RBFOX1: variants seen among roughly 807,000 people sequenced by gnomAD.
RBFOX1 encodes the protein RNA binding fox-1 homolog 1.
In RBFOX1, 8 loss-of-function variants were observed where a neutral mutation model predicts 57.7. The observed-to-expected ratio is 0.14, with a 90% CI of 0.08 to 0.25. RBFOX1 has a LOEUF of 0.25. Among genes scored for constraint, RBFOX1 ranks in the 10% least tolerant of loss-of-function variants. The pLI is 1.00. For synonymous variants in RBFOX1, 326 were observed against 222.4 expected (o/e 1.47, Z -4.15); for missense variants, 611 against 548.5 (o/e 1.11, Z -1.14).
chr16:7,599,981 G>T (rs2094926138), intron 9 of RBFOX1, among the ~76,000 whole-genome samples: 1 of 152,042 alleles, frequency 6.6e-6, no homozygotes, highest in Non-Finnish European at 1.5e-5. Flanking sequence ...TTGTGACCAT[G>T]CCTGTGTGTA....
chr16:5,540,957 G>T (rs5012828), intron 2 of RBFOX1, among the ~76,000 whole-genome samples: 1 of 152,050 alleles, frequency 6.6e-6, no homozygotes. Flanking sequence ...TCATGTGATT[G>T]TCCTGCCTCA....
intron 10 of RBFOX1, among the ~76,000 whole-genome samples, chr16:7,623,914 A>C (rs1596706645): frequency 6.6e-6 from 1 of 152,178 alleles, no homozygotes; most frequent in Non-Finnish European, 1.5e-5. Context: ...ACTTAATTAC[A>C]GCTTTAAAGA....
At chr16:6,041,521 A>G (rs747170737) in intron 1 of RBFOX1, among the ~76,000 whole-genome samples, 1 of 152,156 alleles carries the variant, frequency 6.6e-6, no homozygotes, top group Non-Finnish European at 1.5e-5. Context: ...GGTCACTCTC[A>G]TATTTATCAT....
At chr16:7,101,081 G>T (rs557365689) in intron 4 of RBFOX1, among the ~76,000 whole-genome samples, 3 of 152,282 alleles carry the variant, frequency 2.0e-5, no homozygotes, top group African/African-American at 7.2e-5. Flanking sequence ...TTCATTCAAA[G>T]AATAAAAGCT....
At chr16:7,661,484 G>A (rs1221598935) in intron 12 of RBFOX1, among the ~76,000 whole-genome samples, 1 of 152,192 alleles carries the variant, frequency 6.6e-6, no homozygotes, top group Admixed American at 6.5e-5. Context: ...CCAAGGCTTT[G>A]AGGTTTCTGT....
At chr16:6,466,190 A>G (rs191978425) in intron 2 of RBFOX1, among the ~76,000 whole-genome samples, 1 of 151,504 alleles carries the variant, frequency 6.6e-6, no homozygotes, top group Admixed American at 6.6e-5. Flanking sequence ...AGGTTGCACC[A>G]CTGCACTCCA....
At chr16:5,623,763 C>G (rs900803174) in intron 3 of RBFOX1, among the ~76,000 whole-genome samples, 1 of 152,142 alleles carries the variant, frequency 6.6e-6, no homozygotes, top group Admixed American at 6.5e-5. Flanking sequence ...TCCCCCATCT[C>G]TCCCTCTCAA....
rs151209838 is a variant in RBFOX1 at position 5,933,788 on chromosome 16, GT to G, written c.351+66463del. Reference sequence around the variant, plus strand: ...TGGTGGCCACAAGGTGTTTTTTTTTGTTTTTTTTTTAACTTATATTTTAGGC... The same window carrying G: ...TGGTGGCCACAAGGTGTTTTTTTTTGTTTTTTTTTAACTTATATTTTAGGC... On this transcript the variant is annotated intron_variant, in intron 4 of 19. Transcript: ENST00000641259. Among the ~76,000 whole-genome samples the G allele has an allele frequency of 5.3e-3, 771 of 146,604 alleles. 5 individuals carry two copies. Among genetic ancestry groups the G allele is most frequent in the African/African-American group, 0.019 (746 of 39,844 alleles).
intron 4 of RBFOX1, among the ~76,000 whole-genome samples, chr16:7,069,538 C>A (rs2056882763): frequency 6.6e-6 from 1 of 152,174 alleles, no homozygotes; most frequent in African/African-American, 2.4e-5. Context: ...TGTGCTTTTA[C>A]ACTGAACCTC....
intron 2 of RBFOX1, among the ~76,000 whole-genome samples, chr16:6,523,320 G>A (rs1406982774): frequency 6.6e-6 from 1 of 152,146 alleles, no homozygotes. Flanking sequence ...AAAGCTACTA[G>A]CCATTTGGAC....
chr16:5,612,916 C>T (rs542608042), intron 3 of RBFOX1, among the ~76,000 whole-genome samples: 1 of 152,300 alleles, frequency 6.6e-6, no homozygotes, highest in African/African-American at 2.4e-5. Context: ...GCTCATGTCC[C>T]ACAAAACATG....
chr16:6,831,919 C>G (rs1245753692), intron 3 of RBFOX1, among the ~76,000 whole-genome samples: 1 of 152,184 alleles, frequency 6.6e-6, no homozygotes, highest in African/African-American at 2.4e-5. Flanking sequence ...GAAGAACTTA[C>G]AGTTCTCTCT....
intron 1 of RBFOX1, among the ~76,000 whole-genome samples, chr16:5,405,471 CCCCAG>C (rs2066839731): frequency 6.6e-6 from 1 of 152,168 alleles, no homozygotes; most frequent in African/African-American, 2.4e-5. Flanking sequence ...TGTGAGGCCT[CCCCAG>C]CCATGTGGAA....
intron 4 of RBFOX1, among the ~76,000 whole-genome samples, chr16:7,310,388 C>G (rs1256762113): frequency 1.3e-5 from 2 of 152,000 alleles, no homozygotes; most frequent in South Asian, 2.1e-4. Context: ...TTGATCCCGG[C>G]TAAAAAAGTG....
intron 1 of RBFOX1, among the ~76,000 whole-genome samples, chr16:5,362,595 C>T (rs111505420): frequency 3.9e-5 from 6 of 152,306 alleles, no homozygotes; most frequent in African/African-American, 1.2e-4. Context: ...CTCCCGACCT[C>T]AGGTGATCCA....
chr16:7,106,183 C>T (rs2063553536), intron 4 of RBFOX1, among the ~76,000 whole-genome samples: 1 of 152,120 alleles, frequency 6.6e-6, no homozygotes, highest in African/African-American at 2.4e-5. Context: ...TTCATTTTTC[C>T]TGTGGGCTCT....
At chr16:7,038,605 C>T (rs994546128) in intron 3 of RBFOX1, among the ~76,000 whole-genome samples, 24 of 152,158 alleles carry the variant, frequency 1.6e-4, no homozygotes, top group Admixed American at 1.3e-3. Flanking sequence ...CAGCCAGGCT[C>T]TTCATGGCCA....
intron 13 of RBFOX1, among the ~76,000 whole-genome samples, chr16:7,672,781 C>A (rs1366836636): frequency 7.6e-6 from 1 of 130,928 alleles, no homozygotes; most frequent in Non-Finnish European, 1.6e-5. Context: ...GCAGGAGAAT[C>A]GGTTGAACCT....
At position 6,023,093 on chromosome 16, in the gene RBFOX1, A is replaced by C. The variant is rs535925258; in HGVS notation, c.-127+3101A>C. ...TTGCTGATCTAATCAACAGGTATAAAGTTTCAGTAATGTTGTAATAAATCT... is the reference window on the plus strand; with the variant it reads ...TTGCTGATCTAATCAACAGGTATAACGTTTCAGTAATGTTGTAATAAATCT... On this transcript the variant is annotated intron_variant, in intron 1 of 15. Transcript: ENST00000550418. Among the ~76,000 whole-genome samples the C allele has an allele frequency of 1.3e-3, 202 of 152,250 alleles. 1 individual carries two copies. Among genetic ancestry groups the C allele is most frequent in the African/African-American group, 4.6e-3 (189 of 41,528 alleles).
Sources: gnomAD v4.1 joint callset for allele counts (sites outside exome capture counted in the v4.1 genomes callset) on GRCh38, gnomAD v4.1.1 for gene constraint, MANE v1.5 for transcripts, NCBI Gene and HGNC (gene_info 2026-07-23, HGNC 2026-07-21) for gene names.